The following ZNF474 variants were observed in gnomAD, a reference collection of about 807,000 sequenced individuals.
ZNF474 encodes the protein zinc finger protein 474, also known as 4933409D10Rik.
For missense variants in ZNF474, 511 were observed against 433.8 expected, an observed-to-expected ratio of 1.18 and a Z score of -1.58; for synonymous variants, 192 against 162.2, an observed-to-expected ratio of 1.18 and a Z score of -1.39.
chr5:122,135,600 G>A (rs1007760337), intron 1 of ZNF474, among the ~76,000 whole-genome samples: 2 of 152,114 alleles, frequency 1.3e-5, no homozygotes, highest in Admixed American at 6.6e-5. Flanking sequence ...ACAAAACTAA[G>A]AGTAGAACTA....
intron 1 of ZNF474, among the ~76,000 whole-genome samples, chr5:122,136,786 C>T (rs892137288): frequency 6.6e-6 from 1 of 152,082 alleles, no homozygotes; most frequent in African/African-American, 2.4e-5. Flanking sequence ...TTTCCAAAAG[C>T]CCCTTTATGT....
rs374167622 is a variant in ZNF474, at chr5:122,145,934, G to T, written c.-212-5845G>T. ...TGGAGTTGAAACTCAGATCTCCAAG[G>T]AGGACGCACAGACTGGCTGGTGATT... On this transcript the variant is annotated intron_variant, in intron 1 of 1. Coordinates refer to ENST00000296600, the MANE Select transcript of ZNF474 (RefSeq NM_207317.3). 4.5e-4 allele frequency among the ~76,000 whole-genome samples: 68 copies of T among 152,288 alleles called. 2 individuals are homozygous for T. In the South Asian group the frequency reaches 9.7e-3, roughly 22 times the overall value.
At chr5:122,139,751 T>C (rs934085378) in intron 1 of ZNF474, among the ~76,000 whole-genome samples, 2 of 152,204 alleles carry the variant, frequency 1.3e-5, no homozygotes, top group African/African-American at 4.8e-5. Flanking sequence ...AAATTGTTAA[T>C]GCCTGTTGAA....
At chr5:122,140,185 A>T (rs1451192284) in intron 1 of ZNF474, among the ~76,000 whole-genome samples, 1 of 152,224 alleles carries the variant, frequency 6.6e-6, no homozygotes, top group Non-Finnish European at 1.5e-5. Flanking sequence ...CAAAATTCAG[A>T]TGCTACCAAT....
At chr5:122,133,584 G>C (rs181755540) in intron 1 of ZNF474, among the ~76,000 whole-genome samples, 16 of 152,234 alleles carry the variant, frequency 1.1e-4, no homozygotes, top group African/African-American at 2.9e-4. Context: ...CTTTGAGAAA[G>C]GGTCTTGCTC....
chr5:122,143,120 T>C (rs1347077577), intron 1 of ZNF474, among the ~76,000 whole-genome samples: 1 of 152,052 alleles, frequency 6.6e-6, no homozygotes, highest in African/African-American at 2.4e-5. Flanking sequence ...TGGACAGAAA[T>C]AAGGCACAAC....
At position 122,138,150 on chromosome 5, in the gene ZNF474, A is replaced by G. The variant is rs556574565; in HGVS notation, c.-213+8467A>G. On this transcript the variant is annotated intron_variant, in intron 1 of 1. Transcript: ENST00000296600. ...ATATTAAAATGCAAAGGCAGAAAAT[A>G]CTAAGATGAGAAGGGGAGCAGAAGG... 2.0e-5 allele frequency among the ~76,000 whole-genome samples: 3 copies of G among 152,360 alleles called. No homozygotes were observed. The East Asian group carries it at 5.8e-4, about 29-fold the overall frequency.
At chr5:122,131,118 A>G (rs1755564352) in intron 1 of ZNF474, among the ~76,000 whole-genome samples, 2 of 152,170 alleles carry the variant, frequency 1.3e-5, no homozygotes, top group Non-Finnish European at 2.9e-5. Flanking sequence ...ATTACCATAC[A>G]TTTGTGAGAA....
chr5:122,142,649 G>T (rs1356497729), intron 1 of ZNF474, among the ~76,000 whole-genome samples: 2 of 152,148 alleles, frequency 1.3e-5, no homozygotes. Context: ...AATTTGTAGG[G>T]CTGAGGATTC....
chr5:122,134,655 C>T (rs543696256), intron 1 of ZNF474, among the ~76,000 whole-genome samples: 73 of 152,030 alleles, frequency 4.8e-4, no homozygotes, highest in Non-Finnish European at 7.9e-4. Flanking sequence ...GTGTGTCAGC[C>T]CTTCTAATGT....
At chr5:122,143,677 C>T (rs561191283) in intron 1 of ZNF474, among the ~76,000 whole-genome samples, 3 of 152,258 alleles carry the variant, frequency 2.0e-5, no homozygotes, top group Admixed American at 2.0e-4. Context: ...GTAATCCCCA[C>T]AAGGAAGCAT....
intron 1 of ZNF474, among the ~76,000 whole-genome samples, chr5:122,149,155 G>T (rs959093575): frequency 1.3e-5 from 2 of 152,098 alleles, no homozygotes; most frequent in Non-Finnish European, 2.9e-5. Context: ...GAATGCAAGC[G>T]GAGGAAGGGC....
chr5:122,149,103 C>T lies in ZNF474; in HGVS notation c.-212-2676C>T, dbSNP rs1756093381. Among the ~76,000 whole-genome samples, 4 of 152,136 alleles carry T rather than the reference C, an allele frequency of 2.6e-5. No individual in the cohort carries two copies. The South Asian group carries it at 8.3e-4, about 32-fold the overall frequency. ...TTCTCACTTATAAGTGGGAGCTAAA[C>T]GTCAAGTACACGTGGGCATAAAGAT... On this transcript the variant is annotated intron_variant, in intron 1 of 1. Transcript: ENST00000296600.
chr5:122,138,209 GT>G (rs970397468), intron 1 of ZNF474, among the ~76,000 whole-genome samples: 9 of 152,112 alleles, frequency 5.9e-5, no homozygotes, highest in Non-Finnish European at 1.2e-4. Flanking sequence ...AGGATAAGAT[GT>G]TTTTTTCAGC....
Position 122,153,345 on chromosome 5 carries a change from G to C in ZNF474, c.*260G>C. 1 of 432,766 alleles carries C rather than the reference G, an allele frequency of 2.3e-6. No individual in the cohort carries two copies. Among genetic ancestry groups the C allele is most frequent in the Non-Finnish European group, 4.2e-6 (1 of 239,026 alleles). The allele number at this position is 432,766 out of a possible 1,614,324, so 26.8% of individuals were successfully genotyped here. A position where few individuals can be genotyped will look rare whatever the true frequency, so the allele number is the denominator to read the frequency against. ...CCTGATACAAATAATCCCTGGGAGA[G>C]ACAGTAATTTGAAAATGAGTCATTA... On this transcript the variant is annotated 3_prime_UTR_variant, in exon 2 of 2. Coordinates refer to ENST00000296600, the MANE Select transcript of ZNF474 (RefSeq NM_207317.3).
intron 1 of ZNF474, among the ~76,000 whole-genome samples, chr5:122,137,155 G>A (rs143178758): frequency 6.0e-4 from 92 of 152,214 alleles, no homozygotes; most frequent in South Asian, 4.2e-3. Context: ...GTATGTGCAT[G>A]TGTATGGGTG....
chr5:122,151,504 T>C (rs918410189), intron 1 of ZNF474, among the ~76,000 whole-genome samples: 1 of 152,160 alleles, frequency 6.6e-6, no homozygotes, highest in African/African-American at 2.4e-5. Flanking sequence ...TGATGTGCTG[T>C]AATTGTCAAG....
intron 1 of ZNF474, among the ~76,000 whole-genome samples, chr5:122,140,645 A>G (rs1461248433): frequency 6.6e-6 from 1 of 152,232 alleles, no homozygotes; most frequent in Admixed American, 6.5e-5. Context: ...CAAAGGGAGC[A>G]TACAGGCAGG....
chr5:122,149,344 T>C (rs1331966501), intron 1 of ZNF474, among the ~76,000 whole-genome samples: 2 of 152,196 alleles, frequency 1.3e-5, no homozygotes, highest in African/African-American at 4.8e-5. Context: ...TTGTGTTCCA[T>C]AGCCCCAGTC....
Sources: gnomAD v4.1 joint callset for allele counts (sites outside exome capture counted in the v4.1 genomes callset) on GRCh38, gnomAD v4.1.1 for gene constraint, MANE v1.5 for transcripts, NCBI Gene and HGNC (gene_info 2026-07-23, HGNC 2026-07-21) for gene names.